The following PLA2G4A variants were observed in gnomAD, a reference collection of about 807,000 sequenced individuals.
The protein encoded by PLA2G4A is phospholipase A2 group IVA.
Under a neutral mutation model 81.9 loss-of-function variants are expected in PLA2G4A, and 40 were observed. That is an observed-to-expected ratio of 0.49 (90% confidence interval 0.38 to 0.64). The LOEUF is 0.64. Ranked by LOEUF, PLA2G4A falls within the 30% of genes least tolerant of loss-of-function variation. The pLI, the probability that PLA2G4A is intolerant of heterozygous loss-of-function variation, is 0.00. For missense variants in PLA2G4A, 715 were observed against 905.1 expected (o/e 0.79, Z 2.69); for synonymous variants, 302 against 296.9 (o/e 1.02, Z -0.18).
intron 3 of PLA2G4A, among the ~76,000 whole-genome samples, chr1:186,892,435 CA>C (rs1654177633): frequency 6.6e-6 from 1 of 152,136 alleles, no homozygotes; most frequent in Non-Finnish European, 1.5e-5. Flanking sequence ...GAGATCTTAA[CA>C]TTTAAATTTT....
intron 13 of PLA2G4A, among the ~76,000 whole-genome samples, chr1:186,952,885 T>C (rs1656614372): frequency 6.6e-6 from 1 of 152,176 alleles, no homozygotes; most frequent in Non-Finnish European, 1.5e-5. Context: ...TCATAGCTTA[T>C]TTTTTTAGCA....
chr1:186,833,394 T>G (rs1170585552), intron 1 of PLA2G4A, among the ~76,000 whole-genome samples: 1 of 152,108 alleles, frequency 6.6e-6, no homozygotes, highest in Non-Finnish European at 1.5e-5. Flanking sequence ...ATTTTGTTTC[T>G]TATTAAAAAG....
At chr1:186,964,395 T>C (rs1403580078) in intron 14 of PLA2G4A, among the ~76,000 whole-genome samples, 3 of 152,224 alleles carry the variant, frequency 2.0e-5, no homozygotes, top group Non-Finnish European at 4.4e-5. Context: ...CTCTAGGTCC[T>C]CTTTTTCTTC....
intron 7 of PLA2G4A, among the ~76,000 whole-genome samples, chr1:186,919,065 A>G (rs1297482444): frequency 6.6e-6 from 1 of 152,212 alleles, no homozygotes; most frequent in Non-Finnish European, 1.5e-5. Context: ...TCTTTCTGAC[A>G]CATAGAGTGT....
intron 7 of PLA2G4A, among the ~76,000 whole-genome samples, chr1:186,928,867 C>A (rs1655644382): frequency 6.6e-6 from 1 of 152,138 alleles, no homozygotes; most frequent in Non-Finnish European, 1.5e-5. Context: ...TTATTGACAT[C>A]ATTTATATCT....
intron 14 of PLA2G4A, among the ~76,000 whole-genome samples, 160 bp downstream of exon 14, chr1:186,956,504 T>G (rs7547623): frequency 0.95 from 144,761 of 152,144 alleles, 68,892 homozygotes; most frequent in East Asian, 1. Flanking sequence ...GGGTTTTTTT[T>G]TTGTTGTTGT....
chr1:186,883,957 G>A (rs1653836090), intron 3 of PLA2G4A, among the ~76,000 whole-genome samples: 1 of 152,106 alleles, frequency 6.6e-6, no homozygotes, highest in Non-Finnish European at 1.5e-5. Context: ...TGGAAGAATT[G>A]TAAGAATTAA....
intron 3 of PLA2G4A, 187 bp downstream of exon 3, chr1:186,870,703 T>C (rs1368913600): frequency 1.3e-6 from 2 of 1,552,926 alleles, no homozygotes; most frequent in East Asian, 2.3e-5. Flanking sequence ...TACCTGGGCC[T>C]TAAATTAGCC....
intron 10 of PLA2G4A, among the ~76,000 whole-genome samples, chr1:186,943,112 A>G (rs1415523171): frequency 2.6e-5 from 4 of 152,222 alleles, no homozygotes; most frequent in African/African-American, 7.2e-5. Context: ...TCTGAATTAT[A>G]TTTTTAAAAG....
chr1:186,832,654 A>G (rs558418992), intron 1 of PLA2G4A, among the ~76,000 whole-genome samples: 1 of 152,272 alleles, frequency 6.6e-6, no homozygotes, highest in Non-Finnish European at 1.5e-5. Context: ...AAGTTGAGCA[A>G]TTTTCATAGT....
intron 1 of PLA2G4A, among the ~76,000 whole-genome samples, chr1:186,834,101 T>A (rs551389383): frequency 2.6e-5 from 4 of 152,198 alleles, no homozygotes; most frequent in Non-Finnish European, 5.9e-5. Context: ...GTCATTAATA[T>A]GTATTCTTCT....
chr1:186,984,979 G>A (rs1233433440), intron 17 of PLA2G4A, among the ~76,000 whole-genome samples: 1 of 152,168 alleles, frequency 6.6e-6, no homozygotes, highest in Non-Finnish European at 1.5e-5. Context: ...TCACGATGAT[G>A]TGGGGGAGCT....
chr1:186,833,229 T>C (rs1008398308), intron 1 of PLA2G4A, among the ~76,000 whole-genome samples: 1 of 152,040 alleles, frequency 6.6e-6, no homozygotes, highest in Non-Finnish European at 1.5e-5. Context: ...TAAAATCTTA[T>C]TAAAAATTTT....
chr1:186,932,294 CT>C (rs67757094), intron 7 of PLA2G4A, among the ~76,000 whole-genome samples: 45,396 of 138,334 alleles, frequency 0.33, 6,935 homozygotes, highest in Non-Finnish European at 0.44. Flanking sequence ...TTTTCTTTTT[CT>C]TTTTTTTTTT....
At chr1:186,845,701 G>A (rs921493462) in intron 1 of PLA2G4A, among the ~76,000 whole-genome samples, 1 of 152,148 alleles carries the variant, frequency 6.6e-6, no homozygotes, top group South Asian at 2.1e-4. Flanking sequence ...AGAGAGAGAA[G>A]TGACAAAACA....
At chr1:186,946,162 G>A (rs991246543) in intron 10 of PLA2G4A, among the ~76,000 whole-genome samples, 2 of 152,058 alleles carry the variant, frequency 1.3e-5, no homozygotes, top group Non-Finnish European at 2.9e-5. Flanking sequence ...GCAATCTTGT[G>A]GAGTTAGAAT....
rs144270567 is a variant in PLA2G4A at position 186,887,142 on chromosome 1, C to T, written c.116-5869C>T. The stretch of plus-strand genomic sequence containing the variant: ...TGAACCATAGGTATTCAGAATGGGC[C>T]ATATTTTGACTACACATTTGGGAGG... On this transcript the variant is annotated intron_variant, in intron 3 of 17. Transcript: ENST00000367466. Among the ~76,000 whole-genome samples, 227 of 151,958 alleles carry T rather than the reference C, an allele frequency of 1.5e-3. 1 individual carries two copies. Among genetic ancestry groups the T allele is most frequent in the Middle Eastern group, 0.011 (3 of 284 alleles).
At chr1:186,849,399 A>G (rs984041792) in intron 1 of PLA2G4A, among the ~76,000 whole-genome samples, 1 of 152,210 alleles carries the variant, frequency 6.6e-6, no homozygotes, top group Admixed American at 6.6e-5. Flanking sequence ...GGCAGACCAA[A>G]TATACTTTGA....
intron 3 of PLA2G4A, among the ~76,000 whole-genome samples, chr1:186,876,155 T>C (rs780196973): frequency 6.6e-6 from 1 of 152,102 alleles, no homozygotes; most frequent in Non-Finnish European, 1.5e-5. Context: ...GGCCTTGTAA[T>C]GTGAGGGATG....
Sources: gnomAD v4.1 joint callset for allele counts (sites outside exome capture counted in the v4.1 genomes callset) on GRCh38, gnomAD v4.1.1 for gene constraint, MANE v1.5 for transcripts, NCBI Gene and HGNC (gene_info 2026-07-23, HGNC 2026-07-21) for gene names.